KIF13B: variants seen among roughly 807,000 people sequenced by gnomAD.
KIF13B encodes kinesin family member 13B.
In KIF13B, 127 loss-of-function variants were observed where a neutral mutation model predicts 222.0. The ratio of observed to expected loss-of-function variants is 0.57; its 90% confidence interval spans 0.50 to 0.66. The LOEUF is 0.66. Among genes scored for constraint, KIF13B ranks in the 30% least tolerant of loss-of-function variants. The probability of loss-of-function intolerance (pLI) is 0.00; values close to 1 mark genes in which losing one functional copy is unlikely to be tolerated. For missense variants in KIF13B, 2,173 were observed against 2,379.0 expected, an observed-to-expected ratio of 0.91 and a Z score of 1.80; for synonymous variants, 976 against 919.0, an observed-to-expected ratio of 1.06 and a Z score of -1.12.
rs1009716921 is a variant in KIF13B at position 29,146,558 on chromosome 8, A to G, written c.2025-18T>C. On this transcript the variant is annotated intron_variant, in intron 17 of 39. Coordinates refer to ENST00000524189, the MANE Select transcript of KIF13B (RefSeq NM_015254.4). ...TTGCTTCTCTAAAAAAAAATAAAGA[A>G]GCGGCAGAGGTAGGGAAGAGATTAA... 1.2e-6 allele frequency: 2 copies of G among 1,606,662 alleles called. No homozygotes were observed. Among genetic ancestry groups the G allele is most frequent in the African/African-American group, 1.3e-5 (1 of 74,732 alleles).
At chr8:29,081,205 C>T (rs1431695272) in intron 37 of KIF13B, among the ~76,000 whole-genome samples, 2 of 152,176 alleles carry the variant, frequency 1.3e-5, no homozygotes, top group Non-Finnish European at 2.9e-5. Context: ...GAGCATTTAA[C>T]CGTGCTTTCT....
Position 29,140,072 on chromosome 8 carries a change from C to G in KIF13B, c.2604G>C (p.Leu868=). The change falls in exon 21 of 40, where the codon CTG becomes CTC. Residue 868 remains leucine, a synonymous_variant. Coordinates refer to ENST00000524189, the MANE Select transcript of KIF13B (RefSeq NM_015254.4). ...TGAAGCTGGGACTTACCATGCACACCAGTTTGTTCTCCTGGGTCTCCTTCT... is the reference window on the plus strand; with the variant it reads ...TGAAGCTGGGACTTACCATGCACACGAGTTTGTTCTCCTGGGTCTCCTTCT... ...SFEKETQENK[L]VCMVKILQAT... 1.3e-6 allele frequency: 2 copies of G among 1,588,990 alleles called. No individual in the cohort carries two copies. Among genetic ancestry groups the G allele is most frequent in the Non-Finnish European group, 1.7e-6 (2 of 1,167,970 alleles).
chr8:29,247,159 G>T (rs1307143466), intron 1 of KIF13B, among the ~76,000 whole-genome samples: 1 of 152,040 alleles, frequency 6.6e-6, no homozygotes, highest in African/African-American at 2.4e-5. Context: ...CTGAGATGGG[G>T]GGATCATTTA....
intron 3 of KIF13B, 142 bp from the exon 4 acceptor site, chr8:29,191,199 A>C: frequency 1.6e-6 from 1 of 620,676 alleles, no homozygotes; most frequent in East Asian, 2.7e-5. Context: ...GAGGCTTACA[A>C]TGAGAACTAA....
At chr8:29,227,707 G>GAA (rs1297006001) in intron 2 of KIF13B, among the ~76,000 whole-genome samples, 1 of 152,130 alleles carries the variant, frequency 6.6e-6, no homozygotes, top group Non-Finnish European at 1.5e-5. Flanking sequence ...CCAGGGCTTT[G>GAA]GGAGGCAAAG....
At chr8:29,126,593 C>G in intron 25 of KIF13B, 82 bp from the exon 26 acceptor site, 4 of 818,594 alleles carry the variant, frequency 4.9e-6, no homozygotes, top group South Asian at 1.6e-5. Flanking sequence ...TGACTCTTTA[C>G]CCATAATTTA....
chr8:29,138,239 G>A (rs1810650684), intron 21 of KIF13B, among the ~76,000 whole-genome samples: 1 of 152,054 alleles, frequency 6.6e-6, no homozygotes, highest in South Asian at 2.1e-4. Flanking sequence ...GAAGGCTGAG[G>A]TGGGAGAATC....
intron 14 of KIF13B, 64 bp downstream of exon 14, chr8:29,155,662 C>G: frequency 7.1e-7 from 1 of 1,413,508 alleles, no homozygotes; most frequent in Non-Finnish European, 9.8e-7. Context: ...GCCACTGTTG[C>G]CACTAGAGTA....
At chr8:29,250,186 G>A in intron 1 of KIF13B, 1 of 490,968 alleles carries the variant, frequency 2.0e-6, no homozygotes, top group Non-Finnish European at 3.6e-6. Context: ...CATTTCGTCT[G>A]CACAGAAGAA....
chr8:29,127,507 C>T (rs1433955187), intron 24 of KIF13B, among the ~76,000 whole-genome samples: 2 of 152,014 alleles, frequency 1.3e-5, no homozygotes, highest in Admixed American at 6.6e-5. Context: ...TAAGAAGTAA[C>T]ATTAAAAAAT....
At chr8:29,083,804 G>GT (rs1306783844) in intron 37 of KIF13B, among the ~76,000 whole-genome samples, 1 of 152,108 alleles carries the variant, frequency 6.6e-6, no homozygotes, top group African/African-American at 2.4e-5. Context: ...ATCTATAGCT[G>GT]TTTAAGATGG....
chr8:29,123,533 T>C, intron 27 of KIF13B, 41 bp from the exon 28 acceptor site: 1 of 1,610,438 alleles, frequency 6.2e-7, no homozygotes, highest in Non-Finnish European at 8.5e-7. Flanking sequence ...AAAACTTCAC[T>C]TGCCATTTAT....
chr8:29,239,907 C>T (rs1455223614), intron 2 of KIF13B, among the ~76,000 whole-genome samples: 2 of 151,902 alleles, frequency 1.3e-5, no homozygotes, highest in East Asian at 1.9e-4. Context: ...AAGTGATCTG[C>T]GTGCCTTGGC....
chr8:29,113,829 G>A (rs1809469529), intron 31 of KIF13B, among the ~76,000 whole-genome samples: 2 of 152,194 alleles, frequency 1.3e-5, no homozygotes, highest in Non-Finnish European at 2.9e-5. Flanking sequence ...TAGGCATCTG[G>A]ATGAACGGTG....
At chr8:29,091,985 C>T (rs1338300627) in intron 37 of KIF13B, among the ~76,000 whole-genome samples, 1 of 152,216 alleles carries the variant, frequency 6.6e-6, no homozygotes, top group Non-Finnish European at 1.5e-5. Flanking sequence ...TTAGTTAAGT[C>T]TCAGACGATT....
intron 2 of KIF13B, among the ~76,000 whole-genome samples, chr8:29,225,424 T>G (rs1814976633): frequency 6.6e-6 from 1 of 152,176 alleles, no homozygotes; most frequent in South Asian, 2.1e-4. Flanking sequence ...CAATGCAAGA[T>G]TGCGCTGATG....
intron 31 of KIF13B, among the ~76,000 whole-genome samples, chr8:29,114,941 C>A (rs1809525419): frequency 6.6e-6 from 1 of 152,182 alleles, no homozygotes; most frequent in African/African-American, 2.4e-5. Flanking sequence ...TTTTCAAACC[C>A]TCACAGACTC....
At chr8:29,143,797 C>T (rs1397409339) in intron 18 of KIF13B, among the ~76,000 whole-genome samples, 1 of 151,778 alleles carries the variant, frequency 6.6e-6, no homozygotes, top group Non-Finnish European at 1.5e-5. Context: ...GAGCCGAGAT[C>T]GCGCCACTGC....
At position 29,214,457 on chromosome 8, in the gene KIF13B, G is replaced by A. The variant is rs377452751; in HGVS notation, c.150-18258C>T. On this transcript the variant is annotated intron_variant, in intron 2 of 39. Coordinates refer to ENST00000524189, the MANE Select transcript of KIF13B (RefSeq NM_015254.4). ...CAGGGTCAGGATCATCAGTATCACC[G>A]TCTTCCACCTCCACGTCTTGTCCCA... Among the ~76,000 whole-genome samples, 12 of 152,186 alleles carry A rather than the reference G, an allele frequency of 7.9e-5. No homozygotes were observed. In the East Asian group the frequency reaches 1.2e-3, roughly 15 times the overall value.
Sources: allele counts gnomAD v4.1 joint callset (sites outside exome capture counted in the v4.1 genomes callset), GRCh38; gene constraint gnomAD v4.1.1; transcripts MANE v1.5; gene names NCBI Gene and HGNC (gene_info 2026-07-23, HGNC 2026-07-21).